Variants in ACTG2 observed in about 807,000 individuals in gnomAD.
ACTG2 encodes actin gamma 2, smooth muscle, also known as actin, gamma-enteric smooth muscle.
In ACTG2, 16 loss-of-function variants were observed where a neutral mutation model predicts 37.6. The ratio of observed to expected loss-of-function variants is 0.43; its 90% CI spans 0.29 to 0.65. The LOEUF is 0.65. Ranked by LOEUF, ACTG2 falls within the 30% of genes least tolerant of loss-of-function variation. The pLI, the probability that ACTG2 is intolerant of heterozygous loss-of-function variation, is 0.18. For missense variants in ACTG2, 238 were observed against 490.9 expected, an observed-to-expected ratio of 0.48 and a Z score of 4.87; for synonymous variants, 181 against 179.9, an observed-to-expected ratio of 1.01 and a Z score of -0.05.
chr2:73,899,461 C>CA (rs1406618232), intron 1 of ACTG2, among the ~76,000 whole-genome samples: 1 of 151,956 alleles, frequency 6.6e-6, no homozygotes, highest in African/African-American at 2.4e-5. Context: ...GACCCCATCT[C>CA]AAAAAATATA....
chr2:73,914,983 C>A, intron 7 of ACTG2, 112 bp downstream of exon 7: 2 of 913,092 alleles, frequency 2.2e-6, no homozygotes, highest in Non-Finnish European at 1.5e-6. Flanking sequence ...ATTACATACA[C>A]GTACCTCACA....
intron 5 of ACTG2, among the ~76,000 whole-genome samples, chr2:73,910,455 C>T (rs1468651698): frequency 8.5e-6 from 1 of 118,118 alleles, no homozygotes; most frequent in African/African-American, 3.2e-5. Context: ...CAACCTCTGT[C>T]TCCCACGTTC....
intron 3 of ACTG2, among the ~76,000 whole-genome samples, chr2:73,906,364 T>C (rs953996643): frequency 2.6e-5 from 4 of 151,968 alleles, no homozygotes; most frequent in Non-Finnish European, 5.9e-5. Context: ...CGCAGGAGAA[T>C]GCCGTGAACC....
At chr2:73,904,775 GTGTATA>G (rs1245976757) in intron 3 of ACTG2, among the ~76,000 whole-genome samples, 34 of 19,108 alleles carry the variant, frequency 1.8e-3, no homozygotes, top group African/African-American at 4.4e-3. Flanking sequence ...GTGTGTGTGT[GTGTATA>G]TATATATATA....
chr2:73,912,448 C>T (rs10204245), intron 5 of ACTG2, among the ~76,000 whole-genome samples: 92,264 of 152,066 alleles, frequency 0.61, 28,878 homozygotes, highest in Admixed American at 0.72. Flanking sequence ...TGAGCCACCG[C>T]GCCCAACCTT....
At chr2:73,913,335 A>G in intron 5 of ACTG2, 150 bp from the exon 6 acceptor site, 1 of 779,912 alleles carries the variant, frequency 1.3e-6, no homozygotes, top group South Asian at 4.1e-5. Flanking sequence ...TAAAAAATAA[A>G]AAATATGATT....
rs115169864 is a variant in ACTG2, at chr2:73,908,030, C to T, written c.256-643C>T. Among the ~76,000 whole-genome samples, 477 of 152,304 alleles carry T rather than the reference C, an allele frequency of 3.1e-3. 2 individuals are homozygous for T. The highest frequency in any genetic ancestry group is 0.011 in the African/African-American group (448 of 41,572). ...TGTATACTCAGCTGGGGTTTTACAA[C>T]TGGTTAAATGAATGTCCTACAGAAA... On this transcript the variant is annotated intron_variant, in intron 3 of 8. Coordinates refer to ENST00000345517, the MANE Select transcript of ACTG2 (RefSeq NM_001615.4).
Position 73,912,365 on chromosome 2 carries a change from C to T in ACTG2, c.452-1120C>T, listed in dbSNP as rs143067586. Among the ~76,000 whole-genome samples the T allele has an allele frequency of 7.7e-3, 1,176 of 152,296 alleles. 9 individuals are homozygous for T. The highest frequency in any genetic ancestry group is 0.026 in the African/African-American group (1,068 of 41,546). On this transcript the variant is annotated intron_variant, in intron 5 of 8. Transcript: ENST00000345517. ...TAGCAATGGGGTTTCACCATGTTGGCCAGCTGGTCTTGAACTCCTGACCTC... is the reference window on the plus strand; with the variant it reads ...TAGCAATGGGGTTTCACCATGTTGGTCAGCTGGTCTTGAACTCCTGACCTC...
At chr2:73,893,881 A>G (rs941453014) in intron 1 of ACTG2, among the ~76,000 whole-genome samples, 16 of 152,332 alleles carry the variant, frequency 1.1e-4, no homozygotes, top group African/African-American at 3.6e-4. Context: ...TATGTTTGGC[A>G]TCAGAATTCA....
intron 3 of ACTG2, among the ~76,000 whole-genome samples, chr2:73,907,630 C>T (rs1262222522): frequency 6.6e-6 from 1 of 152,114 alleles, no homozygotes; most frequent in African/African-American, 2.4e-5. Flanking sequence ...TACAGGCAGG[C>T]GCTACCATGC....
chr2:73,904,108 G>C (rs973568447), intron 3 of ACTG2, among the ~76,000 whole-genome samples: 2 of 151,476 alleles, frequency 1.3e-5, no homozygotes, highest in African/African-American at 4.8e-5. Flanking sequence ...AATTCACTGG[G>C]CATGGTAACA....
At chr2:73,914,656 T>A in intron 6 of ACTG2, 24 bp from the exon 7 acceptor site, 1 of 1,525,170 alleles carries the variant, frequency 6.6e-7, no homozygotes, top group Non-Finnish European at 8.8e-7. Flanking sequence ...AGTATTCACC[T>A]TCTGTCATTT....
At chr2:73,907,909 C>T (rs1354146764) in intron 3 of ACTG2, among the ~76,000 whole-genome samples, 2 of 152,132 alleles carry the variant, frequency 1.3e-5, no homozygotes, top group African/African-American at 4.8e-5. Flanking sequence ...CCAGCCTGGC[C>T]AATAATAGCC....
intron 2 of ACTG2, among the ~76,000 whole-genome samples, chr2:73,902,018 CGTGTGTGTGTGTGTGTGTGTGTCTGT>C (rs1365306792): frequency 2.0e-5 from 3 of 146,342 alleles, no homozygotes; most frequent in African/African-American, 7.6e-5. Flanking sequence ...GCATACAAGT[CGTGTGTGTGTGTGTGTGTGTGTCTGT>C]GTGTGTGTGT....
At chr2:73,899,888 C>T (rs947050013) in intron 1 of ACTG2, among the ~76,000 whole-genome samples, 1 of 152,178 alleles carries the variant, frequency 6.6e-6, no homozygotes. Context: ...AGGCCTCTCC[C>T]CTAGTATGAG....
intron 5 of ACTG2, among the ~76,000 whole-genome samples, chr2:73,913,226 C>T (rs1350331977): frequency 6.7e-6 from 1 of 149,906 alleles, no homozygotes; most frequent in African/African-American, 2.5e-5. Flanking sequence ...GACAAGTATG[C>T]ATTACCAGTA....
chr2:73,905,571 A>C (rs1360914392), intron 3 of ACTG2, among the ~76,000 whole-genome samples: 1 of 152,178 alleles, frequency 6.6e-6, no homozygotes, highest in African/African-American at 2.4e-5. Flanking sequence ...AATTGAAGTA[A>C]AATAACTAGG....
At chr2:73,894,295 G>A (rs1400901292) in intron 1 of ACTG2, among the ~76,000 whole-genome samples, 2 of 152,168 alleles carry the variant, frequency 1.3e-5, no homozygotes, top group Admixed American at 1.3e-4. Context: ...TGCTCACTTT[G>A]ATTACTTGAA....
Position 73,908,783 on chromosome 2 carries a change from G to T in ACTG2, c.366G>T (p.Gln122His), listed in dbSNP as rs1489750763. ...NPKANREKMT[Q>H]IMFETFNVPA... ...AGGCCAACAGGGAAAAGATGACCCA[G>T]GTAAGAAGCCAGGAAGACTTGAACA... The change falls in exon 4 of 9, where the codon CAG (glutamine) becomes CAT (histidine). Residue 122 changes from glutamine to histidine, a missense_variant and splice_region_variant. By Grantham distance (24) the Gln-to-His change is conservative. Coordinates refer to ENST00000345517, the MANE Select transcript of ACTG2 (RefSeq NM_001615.4). 6.2e-7 allele frequency: 1 copy of T among 1,606,810 alleles called. No homozygotes were observed. Among genetic ancestry groups the T allele is most frequent in the South Asian group, 1.1e-5 (1 of 90,938 alleles).
Sources: gnomAD v4.1 joint callset for allele counts (sites outside exome capture counted in the v4.1 genomes callset) on GRCh38, gnomAD v4.1.1 for gene constraint, MANE v1.5 for transcripts, NCBI Gene and HGNC (gene_info 2026-07-23, HGNC 2026-07-21) for gene names.